SH3GL2: variants seen among roughly 807,000 people sequenced by gnomAD.
The protein encoded by SH3GL2 is endophilin-A1.
In SH3GL2, 24 loss-of-function variants were observed where a neutral mutation model predicts 46.0. The observed-to-expected ratio is 0.52, with a 90% confidence interval of 0.38 to 0.73. SH3GL2 has a LOEUF of 0.73. SH3GL2 is among the 30% of genes least tolerant of loss of function. The pLI is 0.00. For missense variants in SH3GL2, 413 were observed against 424.2 expected (o/e 0.97, Z 0.23); for synonymous variants, 196 against 147.1 (o/e 1.33, Z -2.40).
intron 1 of SH3GL2, among the ~76,000 whole-genome samples, chr9:17,656,804 A>G (rs1442931333): frequency 2.7e-5 from 4 of 147,688 alleles, no homozygotes; most frequent in Non-Finnish European, 6.0e-5. Flanking sequence ...AGGCTTTTCT[A>G]TGGGATTCTC....
At chr9:17,593,571 C>G (rs1478878130) in intron 1 of SH3GL2, among the ~76,000 whole-genome samples, 1 of 152,146 alleles carries the variant, frequency 6.6e-6, no homozygotes, top group South Asian at 2.1e-4. Flanking sequence ...AATGTACCAA[C>G]TGTCTTGTTC....
At chr9:17,722,045 C>A (rs993692767) in intron 1 of SH3GL2, among the ~76,000 whole-genome samples, 1 of 151,998 alleles carries the variant, frequency 6.6e-6, no homozygotes, top group African/African-American at 2.4e-5. Flanking sequence ...ACTCTCTCTA[C>A]GTTGCTATAT....
chr9:17,677,734 C>T (rs534936867), intron 1 of SH3GL2, among the ~76,000 whole-genome samples: 4 of 151,980 alleles, frequency 2.6e-5, no homozygotes, highest in Admixed American at 6.6e-5. Context: ...CACCCATTAA[C>T]TCGTCATTTG....
intron 1 of SH3GL2, among the ~76,000 whole-genome samples, chr9:17,725,136 C>G (rs1821989738): frequency 6.6e-6 from 1 of 152,080 alleles, no homozygotes; most frequent in Non-Finnish European, 1.5e-5. Context: ...TAATGTTCAG[C>G]AAGTATTTGG....
chr9:17,766,199 A>G (rs1000478601), intron 3 of SH3GL2, among the ~76,000 whole-genome samples: 2 of 152,166 alleles, frequency 1.3e-5, no homozygotes, highest in African/African-American at 4.8e-5. Context: ...CAGCTAACTG[A>G]TGAGATGTGG....
intron 5 of SH3GL2, among the ~76,000 whole-genome samples, chr9:17,788,601 C>T (rs560323451): frequency 6.6e-6 from 1 of 152,226 alleles, no homozygotes; most frequent in South Asian, 2.1e-4. Flanking sequence ...TACTTTGCTA[C>T]CTGGTCACTA....
At chr9:17,789,615 G>T (rs540526042) in intron 6 of SH3GL2, 65 bp downstream of exon 6, 2 of 1,598,344 alleles carry the variant, frequency 1.3e-6, no homozygotes, top group East Asian at 4.5e-5. Flanking sequence ...TATGTTAAAG[G>T]CCATAACCCT....
At chr9:17,670,240 C>G (rs192757629) in intron 1 of SH3GL2, among the ~76,000 whole-genome samples, 38 of 152,226 alleles carry the variant, frequency 2.5e-4, no homozygotes, top group African/African-American at 9.1e-4. Flanking sequence ...TGCTGGCATC[C>G]CCCAGTGCAA....
chr9:17,724,516 C>A (rs1821975093), intron 1 of SH3GL2, among the ~76,000 whole-genome samples: 1 of 152,028 alleles, frequency 6.6e-6, no homozygotes, highest in Non-Finnish European at 1.5e-5. Context: ...GCCTGTTTTG[C>A]ACATCCCCCC....
At chr9:17,691,551 G>A (rs546268843) in intron 1 of SH3GL2, among the ~76,000 whole-genome samples, 22 of 152,166 alleles carry the variant, frequency 1.4e-4, no homozygotes, top group African/African-American at 5.3e-4. Flanking sequence ...CAGTTGATTT[G>A]CGTATGACTC....
At chr9:17,662,764 C>T (rs1204587626) in intron 1 of SH3GL2, among the ~76,000 whole-genome samples, 1 of 134,652 alleles carries the variant, frequency 7.4e-6, no homozygotes, top group African/African-American at 2.8e-5. Flanking sequence ...GGCTGGAGTG[C>T]AGTGGCACGA....
chr9:17,697,811 G>A (rs779448377), intron 1 of SH3GL2, among the ~76,000 whole-genome samples: 1 of 152,174 alleles, frequency 6.6e-6, no homozygotes, highest in Non-Finnish European at 1.5e-5. Flanking sequence ...CTGATGATCA[G>A]TTCTCCCTGA....
intron 3 of SH3GL2, among the ~76,000 whole-genome samples, chr9:17,762,300 G>T (rs1201760390): frequency 6.6e-6 from 1 of 151,790 alleles, no homozygotes; most frequent in Non-Finnish European, 1.5e-5. Flanking sequence ...GCAAGTTTCA[G>T]GTTGGGGTTC....
intron 1 of SH3GL2, among the ~76,000 whole-genome samples, chr9:17,600,612 C>G (rs1234113380): frequency 1.3e-5 from 2 of 152,158 alleles, no homozygotes; most frequent in Admixed American, 1.3e-4. Flanking sequence ...TTTAAGGTAT[C>G]TGTTGCTCTT....
intron 3 of SH3GL2, among the ~76,000 whole-genome samples, chr9:17,777,067 G>C (rs938430515): frequency 6.6e-6 from 1 of 152,070 alleles, no homozygotes; most frequent in African/African-American, 2.4e-5. Flanking sequence ...AGAGTGTTAG[G>C]GACCTTCCTC....
At chr9:17,672,605 A>G (rs1339328694) in intron 1 of SH3GL2, among the ~76,000 whole-genome samples, 1 of 152,136 alleles carries the variant, frequency 6.6e-6, no homozygotes, top group African/African-American at 2.4e-5. Flanking sequence ...CAACAGAGCC[A>G]TGGTTTCTCT....
At chr9:17,766,591 A>G (rs1440433148) in intron 3 of SH3GL2, among the ~76,000 whole-genome samples, 1 of 152,240 alleles carries the variant, frequency 6.6e-6, no homozygotes, top group Non-Finnish European at 1.5e-5. Flanking sequence ...AAAGAGAAAG[A>G]TGAAATTGTC....
At chr9:17,635,939 C>T (rs897191640) in intron 1 of SH3GL2, among the ~76,000 whole-genome samples, 4 of 152,164 alleles carry the variant, frequency 2.6e-5, no homozygotes, top group Non-Finnish European at 5.9e-5. Flanking sequence ...CAGCAAGTAA[C>T]CAAGAGGTCC....
intron 1 of SH3GL2, among the ~76,000 whole-genome samples, chr9:17,625,841 G>A (rs564504299): frequency 1.3e-5 from 2 of 152,292 alleles, no homozygotes; most frequent in South Asian, 2.1e-4. Flanking sequence ...AGTGTGAAAG[G>A]GAGGCTGAGG....
Sources: gnomAD v4.1 joint callset for allele counts (sites outside exome capture counted in the v4.1 genomes callset) on GRCh38, gnomAD v4.1.1 for gene constraint, MANE v1.5 for transcripts, NCBI Gene and HGNC (gene_info 2026-07-23, HGNC 2026-07-21) for gene names.